The following IL17RD variants were observed in gnomAD, a reference collection of about 807,000 sequenced individuals.
The protein encoded by IL17RD is interleukin-17 receptor D.
A neutral mutation model predicts 80.5 loss-of-function variants in IL17RD; 52 were observed. That is an observed-to-expected ratio of 0.65 (90% CI 0.52 to 0.81). The LOEUF is 0.81. IL17RD is among the 40% of genes least tolerant of loss of function. The probability of loss-of-function intolerance (pLI) is 0.00; values close to 1 mark genes in which losing one functional copy is unlikely to be tolerated. For synonymous variants in IL17RD, 416 were observed against 391.8 expected, an observed-to-expected ratio of 1.06 and a Z score of -0.73; for missense variants, 1,024 against 955.1, an observed-to-expected ratio of 1.07 and a Z score of -0.95.
At position 57,101,183 on chromosome 3, in the gene IL17RD, C is replaced by T; in HGVS notation, c.1160G>A (p.Cys387Tyr). 2 of 1,613,160 alleles carry T rather than the reference C, an allele frequency of 1.2e-6. No individual in the cohort carries two copies. The highest frequency in any genetic ancestry group is 8.5e-7 in the Non-Finnish European group (1 of 1,179,382). ...AAGGAACTTTAGATTCCGCACCTCA[C>T]AGCCACAGAAGTCCTGGAGGAAGTA... ...FAYFLQDFCG[C>Y]EVALDLWEDF... The change falls in exon 11 of 13, where the codon TGT becomes TAT. Residue 387 changes from cysteine to tyrosine, a missense_variant. Cys to Tyr is a radical substitution (Grantham distance 194). Transcript: ENST00000296318.
intron 1 of IL17RD, among the ~76,000 whole-genome samples, chr3:57,128,313 C>T (rs1451084300): frequency 6.6e-6 from 1 of 152,166 alleles, no homozygotes; most frequent in Non-Finnish European, 1.5e-5. Context: ...TCCAGAGCAC[C>T]GCCTGTGCAC....
upstream of IL17RD, among the ~76,000 whole-genome samples, chr3:57,166,645 T>C (rs1232028295): frequency 1.3e-5 from 2 of 152,244 alleles, no homozygotes; most frequent in Non-Finnish European, 2.9e-5. Context: ...ATGGTGGCTC[T>C]TATGCAAAGG....
chr3:57,144,798 C>T (rs943904481), intron 1 of IL17RD, among the ~76,000 whole-genome samples: 1 of 152,192 alleles, frequency 6.6e-6, no homozygotes, highest in African/African-American at 2.4e-5. Context: ...GTGGGTGGGG[C>T]GGGGCTCAGC....
chr3:57,127,315 A>AATATATATAT (rs1707500285), intron 1 of IL17RD, among the ~76,000 whole-genome samples: 1 of 81,284 alleles, frequency 1.2e-5, no homozygotes, highest in Non-Finnish European at 2.0e-5. Context: ...AAAATATATA[A>AATATATATAT]AAATATATAT....
At chr3:57,150,957 A>G (rs1405078148) in intron 1 of IL17RD, among the ~76,000 whole-genome samples, 1 of 152,212 alleles carries the variant, frequency 6.6e-6, no homozygotes, top group African/African-American at 2.4e-5. Context: ...GAAAAGTTTA[A>G]GATGATCAAA....
intron 8 of IL17RD, 110 bp from the exon 9 acceptor site, chr3:57,103,255 G>T: frequency 2.2e-6 from 2 of 890,806 alleles, no homozygotes; most frequent in Non-Finnish European, 3.5e-6. Context: ...AGTGCGGGAA[G>T]GGGTGGGAAG....
intron 5 of IL17RD, among the ~76,000 whole-genome samples, chr3:57,106,575 G>A (rs1334027351): frequency 6.6e-6 from 1 of 152,162 alleles, no homozygotes; most frequent in African/African-American, 2.4e-5. Flanking sequence ...GAGTGGTCCT[G>A]GTAACTGCTG....
intron 2 of IL17RD, among the ~76,000 whole-genome samples, chr3:57,118,846 T>C (rs1559473582): frequency 6.6e-6 from 1 of 152,178 alleles, no homozygotes; most frequent in Non-Finnish European, 1.5e-5. Context: ...AGAAGGAAAC[T>C]AAGTTTTATT....
chr3:57,142,515 C>G (rs1707848470), intron 1 of IL17RD: 3 of 1,288,114 alleles, frequency 2.3e-6, no homozygotes, highest in Admixed American at 2.3e-5. Flanking sequence ...ATCCCTCCCC[C>G]TCCAACCGCC....
rs1174257496 is a variant in IL17RD at position 57,092,261 on chromosome 3, C to G, written c.*4132G>C. On this transcript the variant is annotated 3_prime_UTR_variant, in exon 13 of 13. Coordinates refer to ENST00000296318, the MANE Select transcript of IL17RD (RefSeq NM_017563.5). Reference sequence around the variant, plus strand: ...AAAAAAATTATGCCAAGAGCTAAAACTATAAACAAAGCCCTTTAGGTTGTG... The same window carrying G: ...AAAAAAATTATGCCAAGAGCTAAAAGTATAAACAAAGCCCTTTAGGTTGTG... 1 of 152,582 alleles carries G rather than the reference C, an allele frequency of 6.6e-6. No individual in the cohort carries two copies. The highest frequency in any genetic ancestry group is 1.5e-5 in the Non-Finnish European group (1 of 68,052). 9.5% of individuals were successfully genotyped at this position (152,582 alleles called of 1,614,324 possible). A position where few individuals can be genotyped will look rare whatever the true frequency, so the allele number is the denominator to read the frequency against.
intron 1 of IL17RD, 179 bp downstream of exon 1, chr3:57,164,982 G>C (rs2060336924): frequency 1.5e-6 from 2 of 1,333,010 alleles, no homozygotes; most frequent in East Asian, 3.2e-5. Flanking sequence ...GCCAGGGCCG[G>C]AGGACACGCG....
chr3:57,105,774 T>A (rs1706947276), intron 7 of IL17RD, 83 bp downstream of exon 7: 1 of 1,203,962 alleles, frequency 8.3e-7, no homozygotes, highest in Non-Finnish European at 1.2e-6. Context: ...AGCCTAATGC[T>A]CACATTGAGC....
chr3:57,152,005 A>G (rs915466100), intron 1 of IL17RD, among the ~76,000 whole-genome samples: 24 of 152,290 alleles, frequency 1.6e-4, no homozygotes, highest in African/African-American at 5.8e-4. Context: ...GGAGCTGCGC[A>G]GACTCAGTAC....
Position 57,098,258 on chromosome 3 carries a change from T to C in IL17RD, c.1445A>G (p.Tyr482Cys). The change falls in exon 12 of 13, where the codon TAT (tyrosine) becomes TGT (cysteine). Residue 482 changes from tyrosine to cysteine, a missense_variant. By Grantham distance (194) the Tyr-to-Cys change is radical (BLOSUM62 -2). Coordinates refer to ENST00000296318, the MANE Select transcript of IL17RD (RefSeq NM_017563.5). ...ACCGGGGACGTCTCCCTCGCAGGAA[T>C]AATCAAAGTAGACGGCGATAAACTT... ...LSKFIAVYFD[Y>C]SCEGDVPGIL... The C allele has an allele frequency of 1.2e-6, 2 of 1,613,924 alleles. No individual in the cohort carries two copies. The highest frequency in any genetic ancestry group is 1.7e-6 in the Non-Finnish European group (2 of 1,179,858).
intron 1 of IL17RD, among the ~76,000 whole-genome samples, chr3:57,144,603 A>G (rs1707890655): frequency 6.6e-6 from 1 of 152,180 alleles, no homozygotes; most frequent in South Asian, 2.1e-4. Flanking sequence ...ACCCTTGTGG[A>G]GGGGAAGGAA....
chr3:57,111,802 C>A (rs1337624932), intron 3 of IL17RD, among the ~76,000 whole-genome samples: 6 of 148,840 alleles, frequency 4.0e-5, no homozygotes, highest in Non-Finnish European at 5.9e-5. Flanking sequence ...GCTAAAAATA[C>A]AAAAAAAAAA....
intron 1 of IL17RD, among the ~76,000 whole-genome samples, chr3:57,127,554 C>T (rs1306910648): frequency 6.7e-6 from 1 of 150,234 alleles, no homozygotes; most frequent in Non-Finnish European, 1.5e-5. Flanking sequence ...TACAGGCGCC[C>T]ACCACCATGT....
chr3:57,114,715 A>G lies in IL17RD; in HGVS notation c.287T>C (p.Ile96Thr). ...ACCGAGGGCCCCTGGGGACCAAAGA[A>G]TGGTGACTGCCACTTGGTCATGGCA... ...YACHDQVAVT[I>T]LWSPGALGIE... is the part of the protein sequence containing the mutation. Residue 96 changes from isoleucine (I) to threonine (T), a missense_variant, in exon 3 of 13, where the codon ATT (isoleucine) becomes ACT (threonine). Ile to Thr is a moderately conservative substitution (Grantham distance 89, BLOSUM62 -1). Coordinates refer to ENST00000296318, the MANE Select transcript of IL17RD (RefSeq NM_017563.5). 1 of 1,611,748 alleles carries G rather than the reference A, an allele frequency of 6.2e-7. No homozygotes were observed. Among genetic ancestry groups the G allele is most frequent in the East Asian group, 2.2e-5 (1 of 44,840 alleles).
chr3:57,109,375 G>A (rs1707039988), intron 5 of IL17RD, among the ~76,000 whole-genome samples, 162 bp downstream of exon 5: 1 of 151,928 alleles, frequency 6.6e-6, no homozygotes, highest in Admixed American at 6.6e-5. Flanking sequence ...TCGAACTCCT[G>A]ACCTTGTGAT....
Sources: allele counts gnomAD v4.1 joint callset (sites outside exome capture counted in the v4.1 genomes callset), GRCh38; gene constraint gnomAD v4.1.1; transcripts MANE v1.5; gene names NCBI Gene and HGNC (gene_info 2026-07-23, HGNC 2026-07-21).